The following VIPR2 variants were observed in gnomAD, a reference collection of about 807,000 sequenced individuals.
VIPR2 encodes the protein vasoactive intestinal peptide receptor 2, also known as vasoactive intestinal polypeptide receptor 2.
Under a neutral mutation model 58.0 loss-of-function variants are expected in VIPR2, and 48 were observed. The observed-to-expected ratio is 0.83, with a 90% CI of 0.66 to 1.05. The LOEUF is 1.05. Ranked by LOEUF, VIPR2 falls within the 50% of genes least tolerant of loss-of-function variation. The pLI is 0.00. For missense variants in VIPR2, 534 were observed against 558.0 expected (o/e 0.96, Z 0.43); for synonymous variants, 243 against 235.2 (o/e 1.03, Z -0.30).
intron 4 of VIPR2, among the ~76,000 whole-genome samples, chr7:159,102,729 G>A (rs1470141275): frequency 1.3e-5 from 2 of 152,238 alleles, no homozygotes; most frequent in Non-Finnish European, 2.9e-5. Flanking sequence ...GGCAGGCGGA[G>A]CAGGGTCAGG....
Position 159,093,471 on chromosome 7 carries a change from C to G in VIPR2, c.357+10286G>C, listed in dbSNP as rs1857618539. 6.6e-6 allele frequency among the ~76,000 whole-genome samples: 1 copy of G among 152,168 alleles called. No individual in the cohort carries two copies. Among genetic ancestry groups the G allele is most frequent in the Non-Finnish European group, 1.5e-5 (1 of 68,028 alleles). ...CACTCTCACTGCCGGAAGTGAGGAGCCTCTCCAACTCACTCAGGGGAGATT... is the reference window on the plus strand; with the variant it reads ...CACTCTCACTGCCGGAAGTGAGGAGGCTCTCCAACTCACTCAGGGGAGATT... On this transcript the variant is annotated intron_variant, in intron 4 of 12. Transcript: ENST00000262178. The surrounding 1 kb of genome is among the most constrained non-coding windows in gnomAD (Gnocchi z 6.7).
chr7:159,102,774 G>T (rs1858379400), intron 4 of VIPR2, among the ~76,000 whole-genome samples: 1 of 152,236 alleles, frequency 6.6e-6, no homozygotes, highest in Non-Finnish European at 1.5e-5. Flanking sequence ...TGATGGTTTT[G>T]CCCGGAATGC....
intron 4 of VIPR2, among the ~76,000 whole-genome samples, chr7:159,079,506 CA>C (rs1490789357): frequency 1.3e-5 from 2 of 152,008 alleles, no homozygotes; most frequent in Non-Finnish European, 2.9e-5. Flanking sequence ...TAAATGCCCA[CA>C]AGAGAAAGCA....
intron 6 of VIPR2, among the ~76,000 whole-genome samples, chr7:159,039,356 T>C (rs1854174249): frequency 6.6e-6 from 1 of 152,100 alleles, no homozygotes; most frequent in Non-Finnish European, 1.5e-5. Context: ...CACCTGCCTG[T>C]GATCCCAGCT....
Position 159,058,391 on chromosome 7 carries a change from G to C in VIPR2, c.455+90C>G, listed in dbSNP as rs1490002016. Reference sequence around the variant, plus strand: ...GAGTCTTATTGGCTTAGCACACAGAGGGCTCCAGGCTGGGTGGCGCCTAGA... The same window carrying C: ...GAGTCTTATTGGCTTAGCACACAGACGGCTCCAGGCTGGGTGGCGCCTAGA... On this transcript the variant is annotated intron_variant, in intron 5 of 12. Transcript: ENST00000262178. 2.9e-6 allele frequency: 3 copies of C among 1,022,708 alleles called. No homozygotes were observed. The African/African-American group carries it at 4.7e-5, about 16-fold the overall frequency. The allele number at this position is 1,022,708 out of a possible 1,614,324, so 63.4% of individuals were successfully genotyped here.
At chr7:159,062,314 G>C (rs963853443) in intron 4 of VIPR2, among the ~76,000 whole-genome samples, 4 of 152,206 alleles carry the variant, frequency 2.6e-5, no homozygotes, top group African/African-American at 9.6e-5. Context: ...TAATTCGTGG[G>C]TTTTTGGTCT....
intron 4 of VIPR2, among the ~76,000 whole-genome samples, chr7:159,092,635 GTTTTC>G (rs1162845367): frequency 6.8e-5 from 10 of 146,310 alleles, no homozygotes; most frequent in Non-Finnish European, 1.2e-4. Context: ...GCAGGAGGCT[GTTTTC>G]TTTTCTTTTC....
chr7:159,144,635 G>A lies in VIPR2; in HGVS notation c.51+86C>T, dbSNP rs1034789840. On this transcript the variant is annotated intron_variant, in intron 1 of 12. Coordinates refer to ENST00000262178, the MANE Select transcript of VIPR2 (RefSeq NM_003382.5). ...CCGCGCTCCAGCACCCGGGAGGAAGGCGAAGACCGGCGGGAGGAGCGCTCT... is the reference window on the plus strand; with the variant it reads ...CCGCGCTCCAGCACCCGGGAGGAAGACGAAGACCGGCGGGAGGAGCGCTCT... The A allele has an allele frequency of 5.1e-6, 7 of 1,379,810 alleles. No homozygotes were observed. The Admixed American group carries it at 2.3e-4, about 45-fold the overall frequency. 85.5% of individuals were successfully genotyped at this position (1,379,810 alleles called of 1,614,324 possible).
intron 3 of VIPR2, 147 bp from the exon 4 acceptor site, chr7:159,104,001 C>G: frequency 1.5e-6 from 1 of 682,878 alleles, no homozygotes; most frequent in South Asian, 1.8e-5. Flanking sequence ...CTCAAAAAAC[C>G]TTCCTTGCCC....
intron 4 of VIPR2, among the ~76,000 whole-genome samples, chr7:159,094,193 A>G (rs1857684835): frequency 6.6e-6 from 1 of 152,166 alleles, no homozygotes. Flanking sequence ...CGCCTCTGCC[A>G]TCTGGGATGT....
chr7:159,030,631 C>A lies in VIPR2; in HGVS notation c.1302G>T (p.Glu434Asp), dbSNP rs1250208581. The change falls in exon 13 of 13, where the codon GAG becomes GAT. Residue 434 changes from glutamate (E) to aspartate (D), a missense_variant. Transcript: ENST00000262178. The part of the protein sequence containing the change: ...GSRAQSFLQT[E>D]TSVI ...AGGGGTGGGGCTAGATGACCGAGGT[C>A]TCCGTTTGCAGGAAGGACTGGGCGC... is the stretch of plus-strand genomic sequence containing the variant. 1.7e-5 allele frequency: 26 copies of A among 1,549,620 alleles called. No homozygotes were observed. Among genetic ancestry groups the A allele is most frequent in the Non-Finnish European group, 2.3e-5 (26 of 1,147,800 alleles).
At chr7:159,048,482 A>G (rs959384163) in intron 5 of VIPR2, among the ~76,000 whole-genome samples, 2 of 152,234 alleles carry the variant, frequency 1.3e-5, no homozygotes, top group African/African-American at 4.8e-5. Context: ...AAGGCAGATC[A>G]AGTATTTCCA....
At chr7:159,071,967 G>A (rs1402112081) in intron 4 of VIPR2, among the ~76,000 whole-genome samples, 2 of 139,384 alleles carry the variant, frequency 1.4e-5, no homozygotes, top group African/African-American at 5.4e-5. Context: ...TCTCTAGGCT[G>A]GGAACCCTGC....
chr7:159,144,683 C>T (rs143671423), intron 1 of VIPR2, 38 bp downstream of exon 1: 39,774 of 1,340,330 alleles, frequency 0.03, 724 homozygotes, highest in Non-Finnish European at 0.033. Context: ...AGAACCGGGT[C>T]CGAGGCGCCG....
chr7:159,111,989 C>T (rs114829073), intron 2 of VIPR2, among the ~76,000 whole-genome samples: 2,799 of 151,944 alleles, frequency 0.018, 71 homozygotes, highest in African/African-American at 0.063. Flanking sequence ...CCAGCCCGGG[C>T]GACAGAGCGA....
chr7:159,136,328 G>A (rs950882533), intron 2 of VIPR2, among the ~76,000 whole-genome samples: 5 of 152,078 alleles, frequency 3.3e-5, no homozygotes, highest in East Asian at 1.9e-4. Flanking sequence ...ACCCACTTAC[G>A]AGGGCAGAGC....
At chr7:159,066,643 G>T (rs976622835) in intron 4 of VIPR2, among the ~76,000 whole-genome samples, 1 of 152,266 alleles carries the variant, frequency 6.6e-6, no homozygotes, top group Non-Finnish European at 1.5e-5. Flanking sequence ...AAGCAGATTT[G>T]TCTGAATTGC....
At chr7:159,037,866 C>A (rs1158305473) in intron 6 of VIPR2, among the ~76,000 whole-genome samples, 3 of 152,096 alleles carry the variant, frequency 2.0e-5, no homozygotes, top group African/African-American at 7.2e-5. Context: ...TATTTATGTT[C>A]ATATCTATAG....
intron 5 of VIPR2, among the ~76,000 whole-genome samples, chr7:159,046,068 CAAAAT>C (rs1196541057): frequency 3.3e-5 from 5 of 151,834 alleles, no homozygotes; most frequent in East Asian, 1.9e-4. Context: ...ATTAAGAAAA[CAAAAT>C]AAAAAGTATT....
Sources: gnomAD v4.1 joint callset for allele counts (sites outside exome capture counted in the v4.1 genomes callset) on GRCh38, gnomAD v4.1.1 for gene constraint, Gnocchi (gnomAD v3.1) non-coding constraint, MANE v1.5 for transcripts, NCBI Gene and HGNC (gene_info 2026-07-23, HGNC 2026-07-21) for gene names.